The following EYA4 variants were observed in gnomAD, a reference collection of about 807,000 sequenced individuals.
The protein encoded by EYA4 is EYA transcriptional coactivator and phosphatase 4.
EYA4 carries 31 observed loss-of-function variants against 87.9 expected under a neutral mutation model. That is an observed-to-expected ratio of 0.35 (90% CI 0.27 to 0.48). EYA4 has a LOEUF of 0.48. Ranked by LOEUF, EYA4 falls within the 20% of genes least tolerant of loss-of-function variation. The probability of loss-of-function intolerance (pLI) is 0.99; values close to 1 mark genes in which losing one functional copy is unlikely to be tolerated. For missense variants in EYA4, 678 were observed against 761.4 expected (o/e 0.89, Z 1.29); for synonymous variants, 263 against 270.6 (o/e 0.97, Z 0.28).
At chr6:133,489,347 A>G (rs1437377607) in intron 13 of EYA4, among the ~76,000 whole-genome samples, 1 of 152,182 alleles carries the variant, frequency 6.6e-6, no homozygotes, top group Non-Finnish European at 1.5e-5. Flanking sequence ...TGAAAAGGAT[A>G]ATAACAGAGA....
In EYA4 at chr6:133,530,672, C is replaced by T. The variant is rs17053540; in HGVS notation, c.*1867C>T. The T allele has an allele frequency of 0.15, 146,741 of 984,408 alleles. 11,401 individuals are homozygous for T. The highest frequency in any genetic ancestry group is 0.23 in the Middle Eastern group (431 of 1,908). The allele number at this position is 984,408 out of a possible 1,614,324, so 61.0% of individuals were successfully genotyped here. A position where few individuals can be genotyped will look rare whatever the true frequency, so the allele number is the denominator to read the frequency against. Reference sequence around the variant, plus strand: ...CAAACCTGTATTTCTTTACTGAATGCTAAGGCCATGTTTATATTGGGTAGA... The same window carrying T: ...CAAACCTGTATTTCTTTACTGAATGTTAAGGCCATGTTTATATTGGGTAGA... On this transcript the variant is annotated 3_prime_UTR_variant, in exon 20 of 20. Coordinates refer to ENST00000355286, the MANE Select transcript of EYA4 (RefSeq NM_004100.5).
intron 1 of EYA4, among the ~76,000 whole-genome samples, chr6:133,261,013 A>G (rs1378633430): frequency 6.6e-6 from 1 of 152,226 alleles, no homozygotes; most frequent in African/African-American, 2.4e-5. Flanking sequence ...TCATGAATTA[A>G]GGTGTGATAC....
At chr6:133,333,762 G>A (rs930240351) in intron 2 of EYA4, among the ~76,000 whole-genome samples, 1 of 151,992 alleles carries the variant, frequency 6.6e-6, no homozygotes, top group African/African-American at 2.4e-5. Flanking sequence ...TTATAATAGT[G>A]ATGAATGTAT....
chr6:133,389,600 A>G (rs2128492543), intron 3 of EYA4, among the ~76,000 whole-genome samples: 1 of 152,282 alleles, frequency 6.6e-6, no homozygotes, highest in South Asian at 2.1e-4. Context: ...ACAAATCCCT[A>G]GTGTAATTTA....
chr6:133,243,402 A>T (rs1774135453), intron 1 of EYA4, among the ~76,000 whole-genome samples: 1 of 152,126 alleles, frequency 6.6e-6, no homozygotes, highest in Non-Finnish European at 1.5e-5. Flanking sequence ...CCACTTTGTG[A>T]ACCCTCGGGT....
intron 3 of EYA4, among the ~76,000 whole-genome samples, chr6:133,436,653 G>C (rs12665159): frequency 0.15 from 23,297 of 152,160 alleles, 2,871 homozygotes; most frequent in African/African-American, 0.32. Context: ...TTATGAGCAA[G>C]TCTTGCCCTT....
At chr6:133,436,157 T>C (rs1406431555) in intron 3 of EYA4, among the ~76,000 whole-genome samples, 2 of 151,538 alleles carry the variant, frequency 1.3e-5, no homozygotes, top group Non-Finnish European at 2.9e-5. Flanking sequence ...AGGCGGAGGT[T>C]GCAGTGAGCC....
intron 2 of EYA4, among the ~76,000 whole-genome samples, chr6:133,350,726 C>T (rs1783578537): frequency 6.6e-6 from 1 of 152,060 alleles, no homozygotes; most frequent in Admixed American, 6.5e-5. Context: ...TTCACATTTG[C>T]TGATCTTTTC....
At chr6:133,281,952 AT>A (rs550586062) in intron 2 of EYA4, among the ~76,000 whole-genome samples, 2 of 151,296 alleles carry the variant, frequency 1.3e-5, no homozygotes, top group Non-Finnish European at 2.9e-5. Context: ...AGATGATTTC[AT>A]TTTTTTTATG....
chr6:133,415,786 G>A (rs1482863514), intron 3 of EYA4, among the ~76,000 whole-genome samples: 1 of 152,128 alleles, frequency 6.6e-6, no homozygotes, highest in Admixed American at 6.6e-5. Context: ...ATTAATTAAT[G>A]TCCAAGGTCC....
chr6:133,304,201 C>G (rs1473779642), intron 2 of EYA4, among the ~76,000 whole-genome samples: 1 of 152,098 alleles, frequency 6.6e-6, no homozygotes, highest in Non-Finnish European at 1.5e-5. Context: ...AGCATCAATC[C>G]TGTCCTAAGT....
At chr6:133,285,035 C>G (rs1267907838) in intron 2 of EYA4, among the ~76,000 whole-genome samples, 1 of 150,878 alleles carries the variant, frequency 6.6e-6, no homozygotes, top group Admixed American at 6.6e-5. Flanking sequence ...CTCACTCTGT[C>G]CCCCAAGCTG....
Position 133,449,074 on chromosome 6 carries a change from A to G in EYA4, c.277+895A>G, listed in dbSNP as rs909546434. Among the ~76,000 whole-genome samples the G allele has an allele frequency of 3.3e-5, 5 of 152,356 alleles. 1 individual carries two copies. Among genetic ancestry groups the G allele is most frequent in the Admixed American group, 3.3e-4 (5 of 15,310 alleles). On this transcript the variant is annotated intron_variant, in intron 5 of 19. Coordinates refer to ENST00000355286, the MANE Select transcript of EYA4 (RefSeq NM_004100.5). ...GTTTTTCAATTTTATACTTAAATAT[A>G]CTTTTCATACTTAAAATTATGTTGC...
intron 3 of EYA4, among the ~76,000 whole-genome samples, chr6:133,392,123 G>A (rs211611): frequency 0.85 from 129,464 of 152,040 alleles, 56,354 homozygotes; most frequent in Non-Finnish European, 0.95. Context: ...CCCTCTTTAT[G>A]TAAACTCTTG....
intron 2 of EYA4, among the ~76,000 whole-genome samples, chr6:133,329,235 G>C (rs899104117): frequency 6.6e-6 from 1 of 151,922 alleles, no homozygotes; most frequent in Non-Finnish European, 1.5e-5. Context: ...TTTCCAATGT[G>C]TATTTTCCCA....
At chr6:133,508,654 A>G (rs1322102467) in intron 14 of EYA4, among the ~76,000 whole-genome samples, 3 of 152,132 alleles carry the variant, frequency 2.0e-5, no homozygotes, top group Non-Finnish European at 4.4e-5. Flanking sequence ...TTGCTACCCA[A>G]CTTTTAAAAG....
At chr6:133,389,746 A>T (rs1489418947) in intron 3 of EYA4, among the ~76,000 whole-genome samples, 1 of 152,138 alleles carries the variant, frequency 6.6e-6, no homozygotes, top group African/African-American at 2.4e-5. Context: ...GCAATCTTTG[A>T]CTTCTTGCTC....
intron 2 of EYA4, among the ~76,000 whole-genome samples, chr6:133,318,096 C>G (rs1285269775): frequency 6.6e-6 from 1 of 152,142 alleles, no homozygotes; most frequent in Non-Finnish European, 1.5e-5. Context: ...GTTTATTGAC[C>G]TACAATTCAT....
intron 2 of EYA4, among the ~76,000 whole-genome samples, chr6:133,278,024 C>T (rs979138540): frequency 6.6e-6 from 1 of 152,152 alleles, no homozygotes; most frequent in Non-Finnish European, 1.5e-5. Context: ...TTTTATCCTT[C>T]ACAAGCCCTT....
Sources: gnomAD v4.1 joint callset for allele counts (sites outside exome capture counted in the v4.1 genomes callset) on GRCh38, gnomAD v4.1.1 for gene constraint, MANE v1.5 for transcripts, NCBI Gene and HGNC (gene_info 2026-07-23, HGNC 2026-07-21) for gene names.